Variants in SLC15A5 observed in about 807,000 individuals in gnomAD.
SLC15A5 encodes the protein Peptide/histidine transporter ENSP00000340402.
A neutral mutation model predicts 56.1 loss-of-function variants in SLC15A5; 58 were observed. The ratio of observed to expected loss-of-function variants is 1.03; its 90% CI spans 0.84 to 1.29. The LOEUF (loss-of-function observed/expected upper bound fraction) is 1.29. Ranked by LOEUF, SLC15A5 falls within the 50% of genes most tolerant of loss-of-function variation. The pLI, the probability that SLC15A5 is intolerant of heterozygous loss-of-function variation, is 0.00. For missense variants in SLC15A5, 681 were observed against 672.1 expected (o/e 1.01, Z -0.15); for synonymous variants, 264 against 250.5 (o/e 1.05, Z -0.51).
intron 7 of SLC15A5, among the ~76,000 whole-genome samples, chr12:16,205,472 G>T (rs538163257): frequency 6.1e-4 from 91 of 148,856 alleles, no homozygotes; most frequent in Middle Eastern, 3.5e-3. Context: ...GCTTACCTTA[G>T]TAATATTTAT....
intron 2 of SLC15A5, among the ~76,000 whole-genome samples, chr12:16,260,841 AT>A (rs1373645800): frequency 2.0e-5 from 3 of 151,790 alleles, no homozygotes; most frequent in Non-Finnish European, 4.4e-5. Flanking sequence ...GTAGAGTGTC[AT>A]GGGGTAATTA....
chr12:16,266,226 T>C (rs1297344418), intron 2 of SLC15A5, among the ~76,000 whole-genome samples: 1 of 152,218 alleles, frequency 6.6e-6, no homozygotes, highest in Non-Finnish European at 1.5e-5. Flanking sequence ...ACTTGACTTG[T>C]GGCTGTAGCA....
Position 16,271,732 on chromosome 12 carries a change from G to C in SLC15A5, c.584+829C>G, listed in dbSNP as rs1272190227. Among the ~76,000 whole-genome samples, 1 of 152,046 alleles carries C rather than the reference G, an allele frequency of 6.6e-6. No individual in the cohort carries two copies. The highest frequency in any genetic ancestry group is 2.1e-4 in the South Asian group (1 of 4,820). On this transcript the variant is annotated intron_variant, in intron 2 of 8. Coordinates refer to ENST00000344941, the MANE Select transcript of SLC15A5 (RefSeq NM_001170798.1). The surrounding 1 kb of genome is among the most constrained non-coding windows in gnomAD (Gnocchi z 8.0). ...CTGATAGATAACAAAGAATAACAAA[G>C]AAGTTTTATACTAAATTCTTAACTA...
intron 7 of SLC15A5, among the ~76,000 whole-genome samples, chr12:16,216,263 T>C (rs1047454035): frequency 6.6e-6 from 1 of 152,222 alleles, no homozygotes; most frequent in Non-Finnish European, 1.5e-5. Flanking sequence ...TGATGACTTA[T>C]CATTATTGTC....
intron 5 of SLC15A5, among the ~76,000 whole-genome samples, chr12:16,228,269 A>C (rs1233390377): frequency 5.9e-5 from 9 of 152,204 alleles, no homozygotes; most frequent in Admixed American, 5.9e-4. Flanking sequence ...AAACTGAAAG[A>C]GGATTGGGGA....
At chr12:16,193,791 GA>G (rs1863863255) in intron 8 of SLC15A5, among the ~76,000 whole-genome samples, 2 of 23,312 alleles carry the variant, frequency 8.6e-5, no homozygotes, top group Admixed American at 3.3e-4. Flanking sequence ...GAGAGAGAGA[GA>G]GAGAGAGAGA....
chr12:16,194,196 G>A (rs369112723), intron 8 of SLC15A5, 149 bp downstream of exon 8: 17 of 476,208 alleles, frequency 3.6e-5, no homozygotes, highest in Middle Eastern at 2.9e-4. Flanking sequence ...GTTCCAAATT[G>A]AAATTTCTTA....
At chr12:16,197,174 T>C (rs1863902563) in intron 7 of SLC15A5, among the ~76,000 whole-genome samples, 1 of 152,172 alleles carries the variant, frequency 6.6e-6, no homozygotes, top group Non-Finnish European at 1.5e-5. Flanking sequence ...CATTCTTAAA[T>C]ATCATTTTTA....
At position 16,196,414 on chromosome 12, in the gene SLC15A5, A is replaced by G. The variant is rs3852573; in HGVS notation, c.1484-1961T>C. Among the ~76,000 whole-genome samples, 73,138 of 151,758 alleles carry G rather than the reference A, an allele frequency of 0.48. 18,104 individuals are homozygous for G. Among genetic ancestry groups the G allele is most frequent in the South Asian group, 0.72 (3,452 of 4,806 alleles). On this transcript the variant is annotated intron_variant, in intron 7 of 8. Transcript: ENST00000344941. This position sits in a 1 kb window ranked among gnomAD's most constrained non-coding sequence, Gnocchi z 4.0. ...TGCATGTGTGTGTGTGTGCCCGTGC[A>G]TGTGTGCACACAGGAACTAAACATT...
intron 3 of SLC15A5, among the ~76,000 whole-genome samples, chr12:16,246,301 G>A (rs925786410): frequency 6.6e-6 from 1 of 152,186 alleles, no homozygotes; most frequent in Non-Finnish European, 1.5e-5. Flanking sequence ...GTTTCTCTTA[G>A]GAAAGAAGTA....
chr12:16,218,117 A>C (rs1206988213), intron 6 of SLC15A5, among the ~76,000 whole-genome samples: 3 of 152,164 alleles, frequency 2.0e-5, no homozygotes, highest in African/African-American at 7.2e-5. Flanking sequence ...AAAAGATGTG[A>C]ATGAGAGTAG....
At chr12:16,238,428 C>CGAGGT in intron 5 of SLC15A5, among the ~76,000 whole-genome samples, 1 of 151,890 alleles carries the variant, frequency 6.6e-6, no homozygotes, top group Admixed American at 6.6e-5. Flanking sequence ...GAGATTGAGA[C>CGAGGT]CATCCTGGCT....
chr12:16,204,594 A>C (rs1168253435), intron 7 of SLC15A5, among the ~76,000 whole-genome samples: 1 of 151,986 alleles, frequency 6.6e-6, no homozygotes, highest in East Asian at 1.9e-4. Context: ...TATAATAATT[A>C]AAAGGAGAGT....
In SLC15A5 at chr12:16,236,237, T is replaced by TA. The variant is rs1195984333; in HGVS notation, c.1162+3443dup. 5.9e-5 allele frequency among the ~76,000 whole-genome samples: 9 copies of TA among 151,898 alleles called. No individual in the cohort carries two copies. In the East Asian group the frequency reaches 7.7e-4, roughly 13 times the overall value. On this transcript the variant is annotated intron_variant, in intron 5 of 8. Transcript: ENST00000344941. ...ACTCATAGTGTAAACATTTGTGAACTAAAAAAAATATAAAATGAAGTAAAC... is the reference window on the plus strand; with the variant it reads ...ACTCATAGTGTAAACATTTGTGAACTAAAAAAAAATATAAAATGAAGTAAAC...
intron 6 of SLC15A5, among the ~76,000 whole-genome samples, chr12:16,219,268 G>C (rs1320083894): frequency 6.6e-6 from 1 of 152,126 alleles, no homozygotes; most frequent in Non-Finnish European, 1.5e-5. Flanking sequence ...TGGCACGGTA[G>C]CACAGCTCTT....
At chr12:16,276,734 C>T (rs1405509) in intron 1 of SLC15A5, among the ~76,000 whole-genome samples, 100,026 of 151,830 alleles carry the variant, frequency 0.66, 34,989 homozygotes, top group Non-Finnish European at 0.78. Flanking sequence ...TTCTCACAAT[C>T]GGTCCCAAAC....
chr12:16,227,199 A>G (rs1864251032), intron 5 of SLC15A5, among the ~76,000 whole-genome samples: 1 of 151,910 alleles, frequency 6.6e-6, no homozygotes, highest in Admixed American at 6.6e-5. Context: ...GCTTATTCAT[A>G]GTAAAGTAGA....
At chr12:16,228,688 A>G (rs895942930) in intron 5 of SLC15A5, among the ~76,000 whole-genome samples, 8 of 152,316 alleles carry the variant, frequency 5.3e-5, no homozygotes, top group Admixed American at 5.2e-4. Context: ...AAGACAGTGA[A>G]GTTAAAGACC....
intron 3 of SLC15A5, among the ~76,000 whole-genome samples, chr12:16,252,376 T>C (rs1280154419): frequency 6.6e-6 from 1 of 152,034 alleles, no homozygotes; most frequent in Non-Finnish European, 1.5e-5. Context: ...AGCGCCTCTG[T>C]TCACAGACGG....
Sources: gnomAD v4.1 joint callset for allele counts (sites outside exome capture counted in the v4.1 genomes callset) on GRCh38, gnomAD v4.1.1 for gene constraint, Gnocchi (gnomAD v3.1) non-coding constraint, MANE v1.5 for transcripts, NCBI Gene and HGNC (gene_info 2026-07-23, HGNC 2026-07-21) for gene names.